The following SDK1 variants were observed in gnomAD, a reference collection of about 807,000 sequenced individuals.
SDK1 encodes the protein protein sidekick-1.
SDK1 carries 157 observed loss-of-function variants against 245.5 expected under a neutral mutation model. That is an observed-to-expected ratio of 0.64 (90% CI 0.56 to 0.73). SDK1 has a LOEUF of 0.73. Ranked by LOEUF, SDK1 falls within the 30% of genes least tolerant of loss-of-function variation. The pLI is 0.00. For missense variants in SDK1, 3,583 were observed against 3,002.3 expected (o/e 1.19, Z -4.52); for synonymous variants, 1,647 against 1,278.5 (o/e 1.29, Z -6.15).
intron 1 of SDK1, among the ~76,000 whole-genome samples, chr7:3,358,866 T>G (rs1388853129): frequency 6.6e-6 from 1 of 152,220 alleles, no homozygotes; most frequent in Non-Finnish European, 1.5e-5. Context: ...CTTTTCAATT[T>G]CAAATAGTGT....
intron 4 of SDK1, among the ~76,000 whole-genome samples, chr7:3,643,947 G>A (rs1011551051): frequency 6.7e-6 from 1 of 150,272 alleles, no homozygotes; most frequent in African/African-American, 2.4e-5. Context: ...CTGTCACCCA[G>A]GCTGAGGTAC....
At chr7:4,262,637 T>A (rs1334875754) in intron 44 of SDK1, among the ~76,000 whole-genome samples, 1 of 146,656 alleles carries the variant, frequency 6.8e-6, no homozygotes, top group Non-Finnish European at 1.5e-5. Flanking sequence ...CCCTCGGAGG[T>A]CTCTGTGGAT....
chr7:3,691,913 T>TA (rs1784446517), intron 4 of SDK1, among the ~76,000 whole-genome samples: 1 of 152,182 alleles, frequency 6.6e-6, no homozygotes, highest in Non-Finnish European at 1.5e-5. Flanking sequence ...CTGAGCCTTT[T>TA]ATCCTGCAGG....
At chr7:3,892,701 A>G (rs1781490467) in intron 5 of SDK1, among the ~76,000 whole-genome samples, 1 of 152,228 alleles carries the variant, frequency 6.6e-6, no homozygotes, top group African/African-American at 2.4e-5. Context: ...CAGGTGTGAC[A>G]GTGTGACAAT....
intron 1 of SDK1, among the ~76,000 whole-genome samples, chr7:3,394,079 A>G (rs966506097): frequency 4.6e-5 from 7 of 151,886 alleles, no homozygotes; most frequent in Middle Eastern, 3.4e-3. Context: ...GCAGACTTCT[A>G]TAGGTACTGT....
chr7:3,583,757 C>T (rs868320941), intron 1 of SDK1, among the ~76,000 whole-genome samples: 1 of 152,108 alleles, frequency 6.6e-6, no homozygotes, highest in Non-Finnish European at 1.5e-5. Context: ...ACTGCGTCCA[C>T]CTGCTTGCAG....
At chr7:3,924,138 G>A (rs1270626991) in intron 5 of SDK1, among the ~76,000 whole-genome samples, 1 of 151,912 alleles carries the variant, frequency 6.6e-6, no homozygotes, top group Non-Finnish European at 1.5e-5. Context: ...CAGAGTAAAG[G>A]GGACGCTGTT....
chr7:4,098,826 T>C lies in SDK1; in HGVS notation c.3325-11837T>C, dbSNP rs1298231407. Among the ~76,000 whole-genome samples, 92 of 63,058 alleles carry C rather than the reference T, an allele frequency of 1.5e-3. 1 individual carries two copies. Among genetic ancestry groups the C allele is most frequent in the African/African-American group, 0.014 (84 of 6,062 alleles). 41.4% of individuals were successfully genotyped at this position (63,058 alleles called of 152,430 possible). On this transcript the variant is annotated intron_variant, in intron 22 of 44. Coordinates refer to ENST00000404826, the MANE Select transcript of SDK1 (RefSeq NM_152744.4). ...TTACAGGAGCACACCACAATGCCCTTTTTTTTTTTTTTTTTTTTTTTTTTT... is the reference window on the plus strand; with the variant it reads ...TTACAGGAGCACACCACAATGCCCTCTTTTTTTTTTTTTTTTTTTTTTTTT...
At chr7:3,535,203 G>A (rs1778842818) in intron 1 of SDK1, among the ~76,000 whole-genome samples, 1 of 152,162 alleles carries the variant, frequency 6.6e-6, no homozygotes, top group African/African-American at 2.4e-5. Context: ...TTGAACCCAG[G>A]AGGCGGAGGT....
At chr7:3,458,880 A>G (rs1780750925) in intron 1 of SDK1, among the ~76,000 whole-genome samples, 1 of 152,176 alleles carries the variant, frequency 6.6e-6, no homozygotes, top group Admixed American at 6.6e-5. Context: ...TAGTTTTACA[A>G]ATAGTCTTTA....
At chr7:3,719,300 A>T (rs1193944826) in intron 4 of SDK1, among the ~76,000 whole-genome samples, 1 of 150,888 alleles carries the variant, frequency 6.6e-6, no homozygotes, top group Admixed American at 6.6e-5. Flanking sequence ...TCATTCTGAA[A>T]TGTAGATGGC....
chr7:3,348,977 A>C (rs1214144646), intron 1 of SDK1, among the ~76,000 whole-genome samples: 1 of 152,116 alleles, frequency 6.6e-6, no homozygotes, highest in African/African-American at 2.4e-5. Flanking sequence ...CTGTCCCTGG[A>C]GTGTGCCCCT....
chr7:4,250,562 C>T (rs779501647), intron 44 of SDK1, among the ~76,000 whole-genome samples: 2 of 152,122 alleles, frequency 1.3e-5, no homozygotes, highest in Non-Finnish European at 2.9e-5. Context: ...CCAGGCTGGT[C>T]TCGAACTCCT....
intron 38 of SDK1, among the ~76,000 whole-genome samples, chr7:4,219,048 C>T (rs1345945015): frequency 6.6e-6 from 1 of 152,208 alleles, no homozygotes; most frequent in Non-Finnish European, 1.5e-5. Context: ...ACCAGCAAGA[C>T]TTTTGCATGA....
At chr7:3,875,446 A>C (rs1479732283) in intron 5 of SDK1, among the ~76,000 whole-genome samples, 1 of 152,202 alleles carries the variant, frequency 6.6e-6, no homozygotes, top group Non-Finnish European at 1.5e-5. Context: ...CCCAGATCAC[A>C]AATTAAACTG....
At chr7:3,625,895 C>G (rs1361812981) in intron 2 of SDK1, among the ~76,000 whole-genome samples, 2 of 151,000 alleles carry the variant, frequency 1.3e-5, no homozygotes, top group Non-Finnish European at 2.9e-5. Flanking sequence ...AGCAGCAGCT[C>G]AAGTAAAAGG....
intron 4 of SDK1, among the ~76,000 whole-genome samples, chr7:3,766,143 A>G (rs1206183983): frequency 6.6e-6 from 1 of 152,204 alleles, no homozygotes; most frequent in Non-Finnish European, 1.5e-5. Context: ...GAGGATTGAC[A>G]TCTTGAATTT....
chr7:3,769,317 TG>T (rs2114998220), intron 4 of SDK1, among the ~76,000 whole-genome samples: 1 of 152,216 alleles, frequency 6.6e-6, no homozygotes, highest in Non-Finnish European at 1.5e-5. Context: ...CTTTTGTTGG[TG>T]GGGACTCTCT....
chr7:3,919,772 C>T (rs1324681245), intron 5 of SDK1, among the ~76,000 whole-genome samples: 2 of 152,118 alleles, frequency 1.3e-5, no homozygotes, highest in Non-Finnish European at 2.9e-5. Context: ...GTAATTAATT[C>T]ATTAGGACCT....
Sources: gnomAD v4.1 joint callset for allele counts (sites outside exome capture counted in the v4.1 genomes callset) on GRCh38, gnomAD v4.1.1 for gene constraint, MANE v1.5 for transcripts, NCBI Gene and HGNC (gene_info 2026-07-23, HGNC 2026-07-21) for gene names.